FAAH2: variants seen among roughly 807,000 people sequenced by gnomAD.
FAAH2 encodes fatty acid amide hydrolase 2, also known as fatty-acid amide hydrolase 2.
A neutral mutation model predicts 36.9 loss-of-function variants in FAAH2; 60 were observed. The observed-to-expected ratio is 1.63, with a 90% CI of 1.32 to 2.02. FAAH2 has a LOEUF of 2.02. Ranked by LOEUF, FAAH2 falls within the 30% of genes most tolerant of loss-of-function variation. The pLI, the probability that FAAH2 is intolerant of heterozygous loss-of-function variation, is 0.00. For missense variants in FAAH2, 689 were observed against 397.5 expected (o/e 1.73, Z -6.23); for synonymous variants, 214 against 143.8 (o/e 1.49, Z -3.49).
intron 10 of FAAH2, among the ~76,000 whole-genome samples, chrX:57,476,738 T>C: frequency 9.0e-6 from 1 of 111,535 alleles, no homozygotes; most frequent in Non-Finnish European, 1.9e-5. Context: ...ATTCTATTGT[T>C]TGGAATAGTT....
the FAAH2 span, among the ~76,000 whole-genome samples, chrX:57,141,272 C>A: frequency 1.2e-4 from 13 of 111,987 alleles, no homozygotes; most frequent in East Asian, 3.6e-3. Context: ...ATCATTGCAT[C>A]CCTAAGATTA....
At chrX:57,411,930 C>A (rs2055709421) in intron 7 of FAAH2, among the ~76,000 whole-genome samples, 1 of 111,948 alleles carries the variant, frequency 8.9e-6, no homozygotes, top group South Asian at 3.7e-4. Context: ...TTTTCATCTG[C>A]AACTATTCCT....
At chrX:57,338,802 A>G (rs1170371607) in intron 4 of FAAH2, among the ~76,000 whole-genome samples, 1 of 111,994 alleles carries the variant, frequency 8.9e-6, no homozygotes, top group Non-Finnish European at 1.9e-5. Context: ...ATGGATAGGA[A>G]GAATCATTAT....
At chrX:57,250,755 T>G in the FAAH2 span, among the ~76,000 whole-genome samples, 2 of 89,798 alleles carry the variant, frequency 2.2e-5, no homozygotes, top group South Asian at 3.9e-4. Context: ...AAAGATAACC[T>G]AGAAGAAATA....
chrX:57,188,127 G>A, the FAAH2 span, among the ~76,000 whole-genome samples: 1 of 111,726 alleles, frequency 9.0e-6, no homozygotes, highest in Non-Finnish European at 1.9e-5. Flanking sequence ...AATAGTTTCA[G>A]AAGAAATAGT....
At chrX:57,398,280 A>T (rs1401290433) in intron 7 of FAAH2, among the ~76,000 whole-genome samples, 3 of 111,997 alleles carry the variant, frequency 2.7e-5, no homozygotes, top group African/African-American at 9.7e-5. Flanking sequence ...TGCTTTTAAG[A>T]TTTGTTTTTT....
At chrX:57,468,897 C>G (rs752536708) in intron 10 of FAAH2, among the ~76,000 whole-genome samples, 21 of 112,228 alleles carry the variant, frequency 1.9e-4, no homozygotes, top group African/African-American at 6.5e-4. Context: ...AACAGCGGAT[C>G]TCTCAGCAGA....
At position 57,326,938 on chromosome X, in the gene FAAH2, T is replaced by A. The variant is rs762856125; in HGVS notation, c.413-4660T>A. Reference sequence around the variant, plus strand: ...TGATGCAGTTTCTCCCTAGCCTTGATGGTCTTTACAATTTGGCAGGTTTTT... The same window carrying A: ...TGATGCAGTTTCTCCCTAGCCTTGAAGGTCTTTACAATTTGGCAGGTTTTT... On this transcript the variant is annotated intron_variant, in intron 3 of 10. Coordinates refer to ENST00000374900, the MANE Select transcript of FAAH2 (RefSeq NM_174912.4). Among the ~76,000 whole-genome samples the A allele has an allele frequency of 6.3e-3, 597 of 95,326 alleles. 3 individuals carry two copies. The highest frequency in any genetic ancestry group is 9.4e-3 in the Non-Finnish European group (451 of 48,171). 82.8% of individuals were successfully genotyped at this position (95,326 alleles called of 115,157 possible). A position where few individuals can be genotyped will look rare whatever the true frequency, so the allele number is the denominator to read the frequency against.
chrX:57,306,990 C>CATATATATATATATATAT, intron 2 of FAAH2, among the ~76,000 whole-genome samples: 1 of 8,997 alleles, frequency 1.1e-4, no homozygotes, highest in Non-Finnish European at 2.3e-3. Flanking sequence ...CACACACACA[C>CATATATATATATATATAT]ACAGATACAT....
chrX:57,242,722 C>T, the FAAH2 span, among the ~76,000 whole-genome samples: 1 of 112,130 alleles, frequency 8.9e-6, no homozygotes, highest in Non-Finnish European at 1.9e-5. Flanking sequence ...ATGGTGCATT[C>T]CAACCCACAT....
At chrX:57,373,797 G>A (rs1249720932) in intron 5 of FAAH2, among the ~76,000 whole-genome samples, 1 of 111,195 alleles carries the variant, frequency 9.0e-6, no homozygotes, top group Non-Finnish European at 1.9e-5. Context: ...CATTGCTTCA[G>A]CCAATGTCTA....
chrX:57,249,241 C>T, the FAAH2 span, among the ~76,000 whole-genome samples: 2 of 111,497 alleles, frequency 1.8e-5, no homozygotes, highest in Non-Finnish European at 3.8e-5. Context: ...TTCCACTAAC[C>T]CTTTACTATA....
chrX:57,125,412 G>T, the FAAH2 span, among the ~76,000 whole-genome samples: 2 of 111,655 alleles, frequency 1.8e-5, no homozygotes, highest in South Asian at 3.8e-4. Flanking sequence ...TTCAACCCTG[G>T]AATTTCAATG....
chrX:57,142,983 G>A, the FAAH2 span, among the ~76,000 whole-genome samples: 1 of 110,612 alleles, frequency 9.0e-6, no homozygotes, highest in Non-Finnish European at 1.9e-5. Context: ...TTTAATTTTA[G>A]GTCTGTTGTA....
chrX:57,411,388 GCA>G (rs1413551141), intron 7 of FAAH2, among the ~76,000 whole-genome samples: 4 of 111,457 alleles, frequency 3.6e-5, no homozygotes, highest in African/African-American at 1.3e-4. Flanking sequence ...TGTGAGTCAT[GCA>G]CAGAGATGTG....
At chrX:57,353,711 A>G (rs931391575) in intron 5 of FAAH2, among the ~76,000 whole-genome samples, 31 of 111,117 alleles carry the variant, frequency 2.8e-4, no homozygotes, top group African/African-American at 1.0e-3. Flanking sequence ...TATTCATTCA[A>G]CTGAAGACTT....
intron 2 of FAAH2, among the ~76,000 whole-genome samples, chrX:57,302,831 G>A (rs1190807432): frequency 9.0e-6 from 1 of 111,019 alleles, no homozygotes; most frequent in Admixed American, 9.6e-5. Flanking sequence ...GCCACCCTTA[G>A]GCCTCATCCT....
At chrX:57,354,370 T>TA (rs1264719210) in intron 5 of FAAH2, among the ~76,000 whole-genome samples, 1 of 110,800 alleles carries the variant, frequency 9.0e-6, no homozygotes, top group African/African-American at 3.3e-5. Flanking sequence ...AAGTGGGTGC[T>TA]AAAAACGTTT....
chrX:57,401,942 A>C (rs2055446413), intron 7 of FAAH2, among the ~76,000 whole-genome samples: 1 of 111,470 alleles, frequency 9.0e-6, no homozygotes, highest in Non-Finnish European at 1.9e-5. Context: ...CCCAGTCACA[A>C]CTTAGTGGCT....
Sources: gnomAD v4.1 joint callset for allele counts (sites outside exome capture counted in the v4.1 genomes callset) on GRCh38, gnomAD v4.1.1 for gene constraint, MANE v1.5 for transcripts, NCBI Gene and HGNC (gene_info 2026-07-23, HGNC 2026-07-21) for gene names.